The following PDCD10 variants were observed in gnomAD, a reference collection of about 807,000 sequenced individuals.
The protein encoded by PDCD10 is programmed cell death 10.
Under a neutral mutation model 29.2 loss-of-function variants are expected in PDCD10, and 4 were observed. The ratio of observed to expected loss-of-function variants is 0.14; its 90% CI spans 0.07 to 0.31. PDCD10 has a LOEUF of 0.31. Ranked by LOEUF, PDCD10 falls within the 10% of genes least tolerant of loss-of-function variation. The probability of loss-of-function intolerance (pLI) is 1.00; values close to 1 mark genes in which losing one functional copy is unlikely to be tolerated. For synonymous variants in PDCD10, 70 were observed against 82.2 expected, an observed-to-expected ratio of 0.85 and a Z score of 0.80; for missense variants, 183 against 257.9, an observed-to-expected ratio of 0.71 and a Z score of 1.99.
rs1399379376 is a variant in PDCD10 at position 167,704,904 on chromosome 3, A to C, written c.97-9T>G. The C allele has an allele frequency of 6.3e-7, 1 of 1,587,290 alleles. No homozygotes were observed. The highest frequency in any genetic ancestry group is 2.2e-5 in the East Asian group (1 of 44,450). On this transcript the variant is annotated splice_polypyrimidine_tract_variant and intron_variant, in intron 3 of 8. Coordinates refer to ENST00000392750, the MANE Select transcript of PDCD10 (RefSeq NM_007217.4). Reference sequence around the variant, plus strand: ...AGATTTACTCGTTCTAGCTGCAATAAAAATTTTAAATTATTATGAATATCA... The same window carrying C: ...AGATTTACTCGTTCTAGCTGCAATACAAATTTTAAATTATTATGAATATCA...
At position 167,683,326 on chromosome 3, in the gene PDCD10, T is replaced by C. The variant is rs1447215364; in HGVS notation, c.*982A>G. The C allele has an allele frequency of 2.0e-5, 3 of 152,068 alleles. No individual in the cohort carries two copies. In the East Asian group the frequency reaches 5.8e-4, roughly 29 times the overall value. 9.4% of individuals were successfully genotyped at this position (152,068 alleles called of 1,614,324 possible). A position where few individuals can be genotyped will look rare whatever the true frequency, so the allele number is the denominator to read the frequency against. On this transcript the variant is annotated 3_prime_UTR_variant, in exon 9 of 9. Transcript: ENST00000392750. ...TGATTTTTTCCCTTTATTTTATAAT[T>C]GAAAAATGAAACCACTTAACATGAA...
intron 4 of PDCD10, among the ~76,000 whole-genome samples, chr3:167,698,737 G>A (rs1313911277): frequency 1.4e-5 from 2 of 139,082 alleles, no homozygotes; most frequent in Non-Finnish European, 3.1e-5. Flanking sequence ...CTTGGGGAGA[G>A]GGGGAACATT....
chr3:167,705,459 T>A (rs1178740091), intron 3 of PDCD10, among the ~76,000 whole-genome samples: 1 of 152,204 alleles, frequency 6.6e-6, no homozygotes, highest in Admixed American at 6.5e-5. Context: ...TATCATATTA[T>A]GCAATAAAGT....
chr3:167,694,844 G>C (rs901600387), intron 6 of PDCD10, among the ~76,000 whole-genome samples: 1 of 152,190 alleles, frequency 6.6e-6, no homozygotes, highest in Non-Finnish European at 1.5e-5. Flanking sequence ...AAAGACCTGC[G>C]CTAAATCTTT....
Position 167,725,761 on chromosome 3 carries a change from GTTTATA to G in PDCD10, c.-116-5494_-116-5489del, listed in dbSNP as rs1426433825. The stretch of plus-strand genomic sequence containing the variant: ...GTATATAGCACTTTACCATTGTATC[GTTTATA>G]TATATATATATATATATATATATAT... On this transcript the variant is annotated intron_variant, in intron 2 of 8. Coordinates refer to ENST00000392750, the MANE Select transcript of PDCD10 (RefSeq NM_007217.4). 5.1e-4 allele frequency among the ~76,000 whole-genome samples: 28 copies of G among 54,714 alleles called. 1 individual carries two copies. In the East Asian group the frequency reaches 9.1e-3, roughly 18 times the overall value. 35.9% of individuals were successfully genotyped at this position (54,714 alleles called of 152,430 possible).
At position 167,726,915 on chromosome 3, in the gene PDCD10, A is replaced by AG. The variant is rs548762894; in HGVS notation, c.-116-6643dup. 3.3e-5 allele frequency among the ~76,000 whole-genome samples: 5 copies of AG among 152,322 alleles called. No individual in the cohort carries two copies. In the South Asian group the frequency reaches 1.0e-3, roughly 32 times the overall value. On this transcript the variant is annotated intron_variant, in intron 2 of 8. Coordinates refer to ENST00000392750, the MANE Select transcript of PDCD10 (RefSeq NM_007217.4). The stretch of plus-strand genomic sequence containing the variant: ...AAACACTGATATCACAATGTCATAA[A>AG]GGCCACCTACATAGCATATTTTCAA...
rs1242648330 is a variant in PDCD10, at chr3:167,719,977, T to C, written c.96+85A>G. On this transcript the variant is annotated intron_variant, in intron 3 of 8. Coordinates refer to ENST00000392750, the MANE Select transcript of PDCD10 (RefSeq NM_007217.4). ...AGAGTTCATTCATGCTAGTATTTGT[T>C]ATACAAAAGAACAAGCAGACGAATA... 1.6e-5 allele frequency: 15 copies of C among 948,924 alleles called. No individual in the cohort carries two copies. In the Admixed American group the frequency reaches 2.6e-4, roughly 16 times the overall value. The allele number at this position is 948,924 out of a possible 1,614,324, so 58.8% of individuals were successfully genotyped here.
chr3:167,733,476 T>A (rs1330849330), intron 2 of PDCD10, among the ~76,000 whole-genome samples: 1 of 152,186 alleles, frequency 6.6e-6, no homozygotes, highest in Non-Finnish European at 1.5e-5. Flanking sequence ...AAGTCACAGT[T>A]GATGCTAAGA....
intron 2 of PDCD10, 133 bp downstream of exon 2, chr3:167,734,081 A>C (rs1478994171): frequency 6.6e-6 from 1 of 152,128 alleles, no homozygotes; most frequent in Non-Finnish European, 1.5e-5. Flanking sequence ...CTAAAGCTGG[A>C]CTCGAACCGA....
chr3:167,701,598 CT>C (rs1418695693), intron 4 of PDCD10, among the ~76,000 whole-genome samples: 1 of 152,198 alleles, frequency 6.6e-6, no homozygotes, highest in Non-Finnish European at 1.5e-5. Context: ...AAGTGGCCTA[CT>C]TGTCCCAAAA....
chr3:167,728,526 C>T (rs1302114261), intron 2 of PDCD10, among the ~76,000 whole-genome samples: 4 of 152,136 alleles, frequency 2.6e-5, no homozygotes, highest in Non-Finnish European at 4.4e-5. Flanking sequence ...TGCCAGGGAC[C>T]AGATGGCAGT....
At chr3:167,697,767 G>A (rs1435821059) in intron 4 of PDCD10, 1 of 286,620 alleles carries the variant, frequency 3.5e-6, no homozygotes, top group Non-Finnish European at 7.0e-6. Context: ...CATTGAGTTT[G>A]CATTGGTTCT....
chr3:167,717,335 G>A (rs1723123042), intron 3 of PDCD10, among the ~76,000 whole-genome samples: 1 of 151,990 alleles, frequency 6.6e-6, no homozygotes, highest in Non-Finnish European at 1.5e-5. Context: ...TAACGTTAAG[G>A]TGAGAAGGAA....
At chr3:167,705,820 C>T (rs930515778) in intron 3 of PDCD10, among the ~76,000 whole-genome samples, 1 of 151,776 alleles carries the variant, frequency 6.6e-6, no homozygotes, top group South Asian at 2.1e-4. Flanking sequence ...AGATATGTTT[C>T]CAAAAAATGA....
At chr3:167,710,567 T>C (rs1315773449) in intron 3 of PDCD10, among the ~76,000 whole-genome samples, 1 of 152,230 alleles carries the variant, frequency 6.6e-6, no homozygotes, top group Non-Finnish European at 1.5e-5. Flanking sequence ...TCTAAGGTTT[T>C]TGACTCTTAA....
chr3:167,704,089 C>T (rs1250897731), intron 4 of PDCD10, among the ~76,000 whole-genome samples: 2 of 152,276 alleles, frequency 1.3e-5, no homozygotes, highest in East Asian at 3.9e-4. Context: ...AGTAACTTAA[C>T]TGTATATCCT....
intron 4 of PDCD10, chr3:167,697,792 C>T (rs1720965776): frequency 5.2e-6 from 2 of 384,054 alleles, no homozygotes; most frequent in Non-Finnish European, 1.0e-5. Flanking sequence ...TACTTAGACT[C>T]CCCAAGACAC....
chr3:167,689,680 G>A (rs192844197), intron 6 of PDCD10, among the ~76,000 whole-genome samples: 345 of 152,118 alleles, frequency 2.3e-3, no homozygotes, highest in Non-Finnish European at 3.0e-3. Flanking sequence ...GGGGTGGGGG[G>A]AGGCGCAACT....
chr3:167,715,633 A>T (rs1451264223), intron 3 of PDCD10, among the ~76,000 whole-genome samples: 1 of 152,098 alleles, frequency 6.6e-6, no homozygotes, highest in Non-Finnish European at 1.5e-5. Context: ...AAGAAGACAT[A>T]CAAATGACAA....
Sources: allele counts gnomAD v4.1 joint callset (sites outside exome capture counted in the v4.1 genomes callset), GRCh38; gene constraint gnomAD v4.1.1; transcripts MANE v1.5; gene names NCBI Gene and HGNC (gene_info 2026-07-23, HGNC 2026-07-21).